The following CACNA1C variants were observed in gnomAD, a reference collection of about 807,000 sequenced individuals.
CACNA1C encodes the protein voltage-dependent L-type calcium channel subunit alpha-1C.
CACNA1C carries 30 observed loss-of-function variants against 229.0 expected under a neutral mutation model. That is an observed-to-expected ratio of 0.13 (90% CI 0.10 to 0.18). The LOEUF (loss-of-function observed/expected upper bound fraction) is 0.18. CACNA1C is among the 10% of genes least tolerant of loss of function. The probability of loss-of-function intolerance (pLI) is 1.00; values close to 1 mark genes in which losing one functional copy is unlikely to be tolerated. For missense variants in CACNA1C, 1,658 were observed against 2,845.0 expected, an observed-to-expected ratio of 0.58 and a Z score of 9.49; for synonymous variants, 1,114 against 1,132.5, an observed-to-expected ratio of 0.98 and a Z score of 0.33.
intron 2 of CACNA1C, among the ~76,000 whole-genome samples, chr12:2,117,085 A>G (rs2084256923): frequency 6.6e-6 from 1 of 152,212 alleles, no homozygotes; most frequent in African/African-American, 2.4e-5. Context: ...CCTGGCCAAC[A>G]TGAGGTGAAA....
intron 37 of CACNA1C, among the ~76,000 whole-genome samples, chr12:2,668,123 T>C (rs907491063): frequency 1.5e-4 from 11 of 75,204 alleles, no homozygotes; most frequent in Non-Finnish European, 4.6e-4. Context: ...CTGTGATCCT[T>C]TCTCTTCTCT....
Position 2,467,244 on chromosome 12 carries a change from T to A in CACNA1C, c.757+9538T>A, listed in dbSNP as rs1597226525. The stretch of plus-strand genomic sequence containing the variant: ...CGCTGTATGTGTCTCATGGCACTGT[T>A]CCTGAATCCGAATGTCTGGGTGGGA... On this transcript the variant is annotated intron_variant, in intron 5 of 46. Coordinates refer to ENST00000399655, the MANE Select transcript of CACNA1C (RefSeq NM_000719.7). This position sits in a 1 kb window ranked among gnomAD's most constrained non-coding sequence, Gnocchi z 4.6. Among the ~76,000 whole-genome samples the A allele has an allele frequency of 2.6e-5, 4 of 152,258 alleles. No individual in the cohort carries two copies. The South Asian group carries it at 8.3e-4, about 32-fold the overall frequency.
chr12:2,222,417 G>C (rs1169352472), intron 3 of CACNA1C: 29 of 152,218 alleles, frequency 1.9e-4, no homozygotes, highest in Non-Finnish European at 4.4e-5. Context: ...CAGACTCTTG[G>C]CTGCTTCAAT....
chr12:2,288,515 G>A (rs2093039480), intron 3 of CACNA1C, among the ~76,000 whole-genome samples: 1 of 152,210 alleles, frequency 6.6e-6, no homozygotes. Context: ...GTCCATTAAT[G>A]GGTTTGTGTT....
intron 29 of CACNA1C, among the ~76,000 whole-genome samples, chr12:2,629,238 G>C (rs1203301694): frequency 6.6e-6 from 1 of 152,234 alleles, no homozygotes; most frequent in Non-Finnish European, 1.5e-5. Context: ...ATTGCACACA[G>C]AGGGCTTGGG....
intron 2 of CACNA1C, among the ~76,000 whole-genome samples, chr12:2,119,472 T>A (rs1015462805): frequency 6.6e-6 from 1 of 152,206 alleles, no homozygotes; most frequent in Non-Finnish European, 1.5e-5. Context: ...TATTATCACA[T>A]TAGCTCATTT....
intron 25 of CACNA1C, 142 bp downstream of exon 25, chr12:2,606,805 A>C: frequency 2.1e-6 from 2 of 943,908 alleles, no homozygotes; most frequent in Non-Finnish European, 3.2e-6. Context: ...GGCCTCACGG[A>C]CACAATGTGT....
chr12:2,650,744 C>T (rs996131571), intron 31 of CACNA1C, among the ~76,000 whole-genome samples: 1 of 152,202 alleles, frequency 6.6e-6, no homozygotes, highest in African/African-American at 2.4e-5. Context: ...GCCCAAGCAC[C>T]TCCAGTCACC....
Position 2,525,412 on chromosome 12 carries a change from C to G in CACNA1C, c.1390+12428C>G, listed in dbSNP as rs1478029646. On this transcript the variant is annotated intron_variant, in intron 9 of 46. Coordinates refer to ENST00000399655, the MANE Select transcript of CACNA1C (RefSeq NM_000719.7). ...TATCCTGGAGGCTCCAGGATAAACA[C>G]CTTGTGCTTTTCAGCCTCAGGAATG... 2.0e-5 allele frequency among the ~76,000 whole-genome samples: 3 copies of G among 152,296 alleles called. No homozygotes were observed. In the East Asian group the frequency reaches 5.8e-4, roughly 29 times the overall value.
chr12:2,097,589 C>T (rs1022314536), intron 1 of CACNA1C, among the ~76,000 whole-genome samples: 7 of 152,126 alleles, frequency 4.6e-5, no homozygotes, highest in Admixed American at 6.5e-5. Context: ...CGATAATAGC[C>T]GTCCTAAGGG....
intron 3 of CACNA1C, among the ~76,000 whole-genome samples, chr12:2,169,884 A>G (rs1265935639): frequency 6.6e-6 from 1 of 152,170 alleles, no homozygotes; most frequent in Non-Finnish European, 1.5e-5. Flanking sequence ...GAACAGGTTG[A>G]TTGAGGAGCA....
chr12:2,425,887 G>C (rs971221858), intron 3 of CACNA1C, among the ~76,000 whole-genome samples: 1 of 152,214 alleles, frequency 6.6e-6, no homozygotes, highest in Admixed American at 6.5e-5. Flanking sequence ...AGCCCCAAGA[G>C]ACTTGGGAAG....
intron 3 of CACNA1C, among the ~76,000 whole-genome samples, chr12:2,418,385 C>T (rs1240360559): frequency 1.3e-5 from 2 of 152,150 alleles, no homozygotes; most frequent in Admixed American, 6.5e-5. Flanking sequence ...TGACTAACAT[C>T]GAATCTGTCC....
At chr12:2,223,826 A>G (rs1014882023) in intron 3 of CACNA1C, among the ~76,000 whole-genome samples, 2 of 152,184 alleles carry the variant, frequency 1.3e-5, no homozygotes, top group African/African-American at 4.8e-5. Context: ...ACTTATATGT[A>G]TTATTATTTA....
In CACNA1C at chr12:2,270,907, G is replaced by C. The variant is rs145826776; in HGVS notation, c.477+150477G>C. Among the ~76,000 whole-genome samples the C allele has an allele frequency of 6.7e-4, 102 of 152,322 alleles. 2 individuals carry two copies. In the East Asian group the frequency reaches 0.016, roughly 24 times the overall value. On this transcript the variant is annotated intron_variant, in intron 3 of 46. Transcript: ENST00000399655. Reference sequence around the variant, plus strand: ...AGGCTGGAGGGGCTGGATGGTGGTGGGGGGTGTGGGTGAAGTAAGCATGAA... The same window carrying C: ...AGGCTGGAGGGGCTGGATGGTGGTGCGGGGTGTGGGTGAAGTAAGCATGAA...
Position 2,688,479 on chromosome 12 carries a change from C to T in CACNA1C, c.5817C>T (p.Leu1939=). ...ALAVAGLSPL[L]QRSHSPASFP... ...CAGTGGCAGGCCTGAGCCCCCTCCT[C>T]CAGAGAAGCCATTCCCCTGCCTCAT... Residue 1939 remains leucine, a synonymous_variant, in exon 46 of 47, where the codon CTC becomes CTT. Transcript: ENST00000399655. The T allele has an allele frequency of 6.2e-7, 1 of 1,613,750 alleles. No homozygotes were observed. Among genetic ancestry groups the T allele is most frequent in the Non-Finnish European group, 8.5e-7 (1 of 1,179,880 alleles).
chr12:2,668,745 T>G, intron 37 of CACNA1C, 188 bp from the exon 38 acceptor site: 1 of 591,600 alleles, frequency 1.7e-6, no homozygotes, highest in Non-Finnish European at 3.0e-6. Flanking sequence ...TACCAAACCA[T>G]TTATGAGAAA....
At chr12:2,498,312 C>G (rs1867470015) in intron 7 of CACNA1C, among the ~76,000 whole-genome samples, 1 of 152,170 alleles carries the variant, frequency 6.6e-6, no homozygotes, top group Non-Finnish European at 1.5e-5. Flanking sequence ...CCTCTGTGGT[C>G]CCTGACTTTT....
intron 3 of CACNA1C, among the ~76,000 whole-genome samples, chr12:2,306,639 T>C (rs1363483363): frequency 6.6e-6 from 1 of 152,222 alleles, no homozygotes; most frequent in Non-Finnish European, 1.5e-5. Context: ...ACTAATACTT[T>C]GGTATATCCC....
Sources: allele counts gnomAD v4.1 joint callset (sites outside exome capture counted in the v4.1 genomes callset), GRCh38; gene constraint gnomAD v4.1.1; non-coding constraint Gnocchi (gnomAD v3.1); transcripts MANE v1.5; gene names NCBI Gene and HGNC (gene_info 2026-07-23, HGNC 2026-07-21).